NALF1: variants seen among roughly 807,000 people sequenced by gnomAD.
The protein encoded by NALF1 is NALCN channel auxiliary factor 1, also known as family with sequence similarity 155 member A.
NALF1 carries 3 observed loss-of-function variants against 48.4 expected under a neutral mutation model. The ratio of observed to expected loss-of-function variants is 0.06; its 90% CI spans 0.03 to 0.16. The LOEUF (loss-of-function observed/expected upper bound fraction) is 0.16. Among genes scored for constraint, NALF1 ranks in the 10% least tolerant of loss-of-function variants. The pLI, the probability that NALF1 is intolerant of heterozygous loss-of-function variation, is 1.00. For missense variants in NALF1, 526 were observed against 571.5 expected, an observed-to-expected ratio of 0.92 and a Z score of 0.81; for synonymous variants, 262 against 245.7, an observed-to-expected ratio of 1.07 and a Z score of -0.62.
intron 1 of NALF1, among the ~76,000 whole-genome samples, chr13:107,645,251 C>G (rs1202771432): frequency 2.0e-5 from 3 of 152,104 alleles, no homozygotes; most frequent in African/African-American, 7.2e-5. Context: ...ACATCCTCAC[C>G]AACACTTAGT....
chr13:107,837,104 T>C (rs529641479), intron 1 of NALF1, among the ~76,000 whole-genome samples: 1 of 152,354 alleles, frequency 6.6e-6, no homozygotes, highest in South Asian at 2.1e-4. Flanking sequence ...ACGGGCATGC[T>C]TTCCACCAGC....
In NALF1 at chr13:107,183,188, G is replaced by A. The variant is rs1879102895; in HGVS notation, c.1088-12402C>T. Reference sequence around the variant, plus strand: ...AATTGTGGATTTGCTGGGTCCCAGCGACACACCCCTGGGGGAACAAGTCCA... The same window carrying A: ...AATTGTGGATTTGCTGGGTCCCAGCAACACACCCCTGGGGGAACAAGTCCA... On this transcript the variant is annotated intron_variant, in intron 2 of 2. Transcript: ENST00000375915. Among the ~76,000 whole-genome samples the A allele has an allele frequency of 3.3e-5, 5 of 152,132 alleles. No homozygotes were observed. In the South Asian group the frequency reaches 1.0e-3, roughly 32 times the overall value.
chr13:107,656,228 G>A (rs964142694), intron 1 of NALF1, among the ~76,000 whole-genome samples: 24 of 150,858 alleles, frequency 1.6e-4, no homozygotes, highest in African/African-American at 5.8e-4. Flanking sequence ...CAGGACCACA[G>A]AGTGGGAAAA....
At chr13:107,495,348 G>A (rs1465852741) in intron 1 of NALF1, among the ~76,000 whole-genome samples, 1 of 152,156 alleles carries the variant, frequency 6.6e-6, no homozygotes, top group East Asian at 1.9e-4. Flanking sequence ...TGGAGTTTAA[G>A]TCATCATCTT....
chr13:107,468,838 T>C (rs551873188), intron 1 of NALF1, among the ~76,000 whole-genome samples: 1 of 152,164 alleles, frequency 6.6e-6, no homozygotes, highest in Non-Finnish European at 1.5e-5. Context: ...AAGATAATTA[T>C]TTTATAGGTG....
chr13:107,380,749 C>A (rs1198651136), intron 1 of NALF1, among the ~76,000 whole-genome samples: 1 of 151,924 alleles, frequency 6.6e-6, no homozygotes, highest in Non-Finnish European at 1.5e-5. Context: ...GAGGCTGAGG[C>A]GGGCGGATCA....
chr13:107,249,875 A>T (rs1423273902), intron 1 of NALF1, among the ~76,000 whole-genome samples: 1 of 152,184 alleles, frequency 6.6e-6, no homozygotes, highest in Non-Finnish European at 1.5e-5. Context: ...AAAAACATGC[A>T]CCAGGCTTTA....
intron 1 of NALF1, among the ~76,000 whole-genome samples, chr13:107,297,257 C>G (rs1881744244): frequency 6.6e-6 from 1 of 152,092 alleles, no homozygotes; most frequent in Non-Finnish European, 1.5e-5. Flanking sequence ...TTTTTACCTC[C>G]AGTGTTGAGG....
At chr13:107,780,959 C>T (rs2138577981) in intron 1 of NALF1, among the ~76,000 whole-genome samples, 1 of 152,134 alleles carries the variant, frequency 6.6e-6, no homozygotes, top group South Asian at 2.1e-4. Flanking sequence ...TAGTATATTG[C>T]TGATGGCATT....
At chr13:107,269,154 C>G (rs1343270613) in intron 1 of NALF1, among the ~76,000 whole-genome samples, 2 of 149,218 alleles carry the variant, frequency 1.3e-5, no homozygotes, top group Non-Finnish European at 3.0e-5. Context: ...ACAGTGAGAC[C>G]CTGTCTATGT....
At chr13:107,598,516 T>C in intron 1 of NALF1, among the ~76,000 whole-genome samples, 1 of 152,210 alleles carries the variant, frequency 6.6e-6, no homozygotes, top group East Asian at 1.9e-4. Context: ...ACGGGATGCC[T>C]AATGTGCATA....
chr13:107,630,235 C>T (rs1879798264), intron 1 of NALF1, among the ~76,000 whole-genome samples: 2 of 152,250 alleles, frequency 1.3e-5, no homozygotes, highest in South Asian at 4.1e-4. Flanking sequence ...TTACTTGAAA[C>T]TTTGCTATCT....
At chr13:107,482,262 T>C (rs1166820942) in intron 1 of NALF1, among the ~76,000 whole-genome samples, 4 of 152,096 alleles carry the variant, frequency 2.6e-5, no homozygotes, top group Admixed American at 6.6e-5. Flanking sequence ...TCTCCAGCCG[T>C]GGCCTCCCCT....
chr13:107,383,961 G>T (rs1364050906), intron 1 of NALF1, among the ~76,000 whole-genome samples: 2 of 152,166 alleles, frequency 1.3e-5, no homozygotes, highest in African/African-American at 4.8e-5. Context: ...AAAATGGCAT[G>T]CATTAAGCCA....
chr13:107,177,119 T>G (rs1878955889), intron 2 of NALF1, among the ~76,000 whole-genome samples: 1 of 152,058 alleles, frequency 6.6e-6, no homozygotes. Flanking sequence ...GTTATCCCAT[T>G]TATGATAGCT....
At chr13:107,599,444 A>C (rs1357042691) in intron 1 of NALF1, among the ~76,000 whole-genome samples, 3 of 150,514 alleles carry the variant, frequency 2.0e-5, no homozygotes, top group Non-Finnish European at 4.4e-5. Flanking sequence ...AAAAAATAAC[A>C]TTATTAGGGT....
chr13:107,614,469 C>A (rs1054930085), intron 1 of NALF1, among the ~76,000 whole-genome samples: 1 of 152,166 alleles, frequency 6.6e-6, no homozygotes, highest in East Asian at 1.9e-4. Flanking sequence ...AAACCTCCAC[C>A]CACATTTCCA....
At chr13:107,361,335 G>C (rs958360218) in intron 1 of NALF1, among the ~76,000 whole-genome samples, 1 of 152,140 alleles carries the variant, frequency 6.6e-6, no homozygotes, top group East Asian at 1.9e-4. Context: ...AAACTTGACT[G>C]GCTCAGGAAA....
intron 1 of NALF1, among the ~76,000 whole-genome samples, chr13:107,229,874 C>T (rs1169172059): frequency 6.6e-6 from 1 of 152,170 alleles, no homozygotes; most frequent in Non-Finnish European, 1.5e-5. Flanking sequence ...AACTATTTTT[C>T]TTGCCTGGAT....
Sources: gnomAD v4.1 joint callset for allele counts (sites outside exome capture counted in the v4.1 genomes callset) on GRCh38, gnomAD v4.1.1 for gene constraint, MANE v1.5 for transcripts, NCBI Gene and HGNC (gene_info 2026-07-23, HGNC 2026-07-21) for gene names.